The following ADGRV1 variants were observed in gnomAD, a reference collection of about 807,000 sequenced individuals.
The protein encoded by ADGRV1 is G-protein coupled receptor 98.
ADGRV1 carries 359 observed loss-of-function variants against 596.2 expected under a neutral mutation model. The observed-to-expected ratio is 0.60, with a 90% CI of 0.55 to 0.66. The LOEUF is 0.66. ADGRV1 is among the 30% of genes least tolerant of loss of function. The pLI is 0.00. For synonymous variants in ADGRV1, 2,681 were observed against 2,679.2 expected (o/e 1.00, Z -0.02); for missense variants, 7,274 against 7,575.6 (o/e 0.96, Z 1.48).
chr5:90,628,060 G>GATACGGC, intron 7 of ADGRV1: 1 of 204,824 alleles, frequency 4.9e-6, no homozygotes, highest in Non-Finnish European at 9.6e-6. Context: ...TAGTTCCCTA[G>GATACGGC]GACACATTCA....
chr5:90,965,079 G>A (rs1385694601), intron 83 of ADGRV1, among the ~76,000 whole-genome samples: 2 of 151,964 alleles, frequency 1.3e-5, no homozygotes, highest in East Asian at 3.9e-4. Flanking sequence ...ACAAGGAGTG[G>A]CATTTCCACT....
At chr5:90,730,633 T>C (rs980790519) in intron 50 of ADGRV1, among the ~76,000 whole-genome samples, 1 of 152,080 alleles carries the variant, frequency 6.6e-6, no homozygotes. Context: ...GAACCCAAGG[T>C]ATTATTGCTG....
chr5:90,879,802 CTGGGTAT>C (rs2150535329), intron 83 of ADGRV1, among the ~76,000 whole-genome samples: 1 of 152,018 alleles, frequency 6.6e-6, no homozygotes, highest in South Asian at 2.1e-4. Context: ...ACAAAATTAG[CTGGGTAT>C]GGTGGTGCAC....
At chr5:90,896,115 GATAA>G (rs1771287364) in intron 83 of ADGRV1, among the ~76,000 whole-genome samples, 1 of 151,344 alleles carries the variant, frequency 6.6e-6, no homozygotes, top group Non-Finnish European at 1.5e-5. Context: ...GTTAAACTGT[GATAA>G]ATTAATTTAA....
chr5:90,692,409 T>C (rs1313501995), intron 31 of ADGRV1, among the ~76,000 whole-genome samples, 196 bp from the exon 32 acceptor site: 1 of 152,234 alleles, frequency 6.6e-6, no homozygotes, highest in Non-Finnish European at 1.5e-5. Flanking sequence ...GGTTCTGTTA[T>C]TAAATGTTGA....
intron 31 of ADGRV1, among the ~76,000 whole-genome samples, chr5:90,691,725 T>C (rs1746506914): frequency 6.6e-6 from 1 of 152,188 alleles, no homozygotes; most frequent in African/African-American, 2.4e-5. Context: ...TACTCCCTTT[T>C]GGCTTGGGTG....
At chr5:91,122,601 A>G in intron 87 of ADGRV1, among the ~76,000 whole-genome samples, 1 of 152,244 alleles carries the variant, frequency 6.6e-6, no homozygotes, top group East Asian at 1.9e-4. Flanking sequence ...AACAGTGTGA[A>G]GCCATAAGTT....
At chr5:91,032,791 T>C (rs916432574) in intron 85 of ADGRV1, among the ~76,000 whole-genome samples, 8 of 152,150 alleles carry the variant, frequency 5.3e-5, no homozygotes, top group Non-Finnish European at 1.2e-4. Flanking sequence ...TAGATCCACA[T>C]TGTTATATCT....
At chr5:90,928,229 T>A (rs1305730368) in intron 83 of ADGRV1, among the ~76,000 whole-genome samples, 1 of 152,146 alleles carries the variant, frequency 6.6e-6, no homozygotes, top group Non-Finnish European at 1.5e-5. Context: ...CAGAGTGTTT[T>A]CCACCTTGGT....
At chr5:91,054,102 T>TGAGAGAGAGAGAGAGA (rs3079380) in intron 85 of ADGRV1, among the ~76,000 whole-genome samples, 1 of 126,672 alleles carries the variant, frequency 7.9e-6, no homozygotes, top group African/African-American at 3.2e-5. Flanking sequence ...TGTGTGTGTG[T>TGAGAGAGAGAGAGAGA]GAGAGAGAGA....
chr5:90,635,348 C>A, intron 10 of ADGRV1, 58 bp downstream of exon 10: 1 of 1,421,224 alleles, frequency 7.0e-7, no homozygotes, highest in Non-Finnish European at 9.5e-7. Context: ...TGTACAGACA[C>A]TATTTTTAAA....
chr5:91,117,036 G>T (rs1792905684), intron 87 of ADGRV1, among the ~76,000 whole-genome samples: 1 of 152,192 alleles, frequency 6.6e-6, no homozygotes, highest in Non-Finnish European at 1.5e-5. Flanking sequence ...CTAAATAATA[G>T]TAGGTAAGAA....
chr5:90,558,998 G>T, intron 1 of ADGRV1, 81 bp downstream of exon 1: 1 of 1,311,584 alleles, frequency 7.6e-7, no homozygotes, highest in East Asian at 2.9e-5. Context: ...TGTTGCTGCA[G>T]GTGGGCGGCG....
chr5:90,667,900 G>A lies in ADGRV1; in HGVS notation c.4753-4646G>A, dbSNP rs573075648. Among the ~76,000 whole-genome samples the A allele has an allele frequency of 1.1e-4, 16 of 151,896 alleles. No homozygotes were observed. In the East Asian group the frequency reaches 2.7e-3, roughly 26 times the overall value. On this transcript the variant is annotated intron_variant, in intron 21 of 89. Coordinates refer to ENST00000405460, the MANE Select transcript of ADGRV1 (RefSeq NM_032119.4). The stretch of plus-strand genomic sequence containing the variant: ...GGTGTCAGTGTGCCCCTGTTGGGGG[G>A]TGCCTCCCAGTTAGGCTGCTCGGGG...
intron 79 of ADGRV1, among the ~76,000 whole-genome samples, chr5:90,851,134 T>TGTGTGTGAGAGAGA (rs757909771): frequency 0.011 from 874 of 81,496 alleles, 24 homozygotes; most frequent in Non-Finnish European, 0.017. Flanking sequence ...TGTGTGTGTG[T>TGTGTGTGAGAGAGA]GAGAGAGAGA....
At chr5:90,933,622 T>C (rs1775437910) in intron 83 of ADGRV1, among the ~76,000 whole-genome samples, 1 of 152,188 alleles carries the variant, frequency 6.6e-6, no homozygotes, top group Non-Finnish European at 1.5e-5. Flanking sequence ...TTGATGAGAC[T>C]AACTTTTCAG....
intron 29 of ADGRV1, among the ~76,000 whole-genome samples, chr5:90,686,484 G>C (rs1418258196): frequency 1.3e-5 from 2 of 151,948 alleles, no homozygotes; most frequent in African/African-American, 4.8e-5. Flanking sequence ...TTGTTCTTGT[G>C]ATAGTTTACT....
chr5:91,016,859 G>A lies in ADGRV1; in HGVS notation c.18152+31337G>A, dbSNP rs143881754. Among the ~76,000 whole-genome samples, 26 of 151,996 alleles carry A rather than the reference G, an allele frequency of 1.7e-4. No individual in the cohort carries two copies. The East Asian group carries it at 3.9e-3, about 23-fold the overall frequency. ...GTAGTCCCTGATATTAATCCTTGGT[G>A]TTAGTAAAAAGAGAAAGTACAGGGA... On this transcript the variant is annotated intron_variant, in intron 85 of 89. Transcript: ENST00000405460.
intron 83 of ADGRV1, among the ~76,000 whole-genome samples, chr5:90,895,921 G>T (rs1002613334): frequency 2.0e-5 from 3 of 151,918 alleles, no homozygotes; most frequent in Non-Finnish European, 4.4e-5. Context: ...CAGTTGGCCT[G>T]AAAGTTGTTT....
Sources: allele counts gnomAD v4.1 joint callset (sites outside exome capture counted in the v4.1 genomes callset), GRCh38; gene constraint gnomAD v4.1.1; transcripts MANE v1.5; gene names NCBI Gene and HGNC (gene_info 2026-07-23, HGNC 2026-07-21).